ATF2: variants seen among roughly 807,000 people sequenced by gnomAD.
ATF2 encodes activating transcription factor 2.
A neutral mutation model predicts 60.6 loss-of-function variants in ATF2; 24 were observed. The ratio of observed to expected loss-of-function variants is 0.40; its 90% confidence interval spans 0.29 to 0.56. The LOEUF is 0.56. Among genes scored for constraint, ATF2 ranks in the 20% least tolerant of loss-of-function variants. The probability of loss-of-function intolerance (pLI) is 0.54; values close to 1 mark genes in which losing one functional copy is unlikely to be tolerated. For missense variants in ATF2, 433 were observed against 607.7 expected (o/e 0.71, Z 3.02); for synonymous variants, 206 against 215.4 (o/e 0.96, Z 0.38).
chr2:175,147,427 A>G (rs1559114663), intron 2 of ATF2, among the ~76,000 whole-genome samples: 1 of 152,232 alleles, frequency 6.6e-6, no homozygotes, highest in Non-Finnish European at 1.5e-5. Flanking sequence ...GGATTCTAAA[A>G]TATGAATTTG....
intron 11 of ATF2, among the ~76,000 whole-genome samples, chr2:175,095,796 A>G (rs1694894898): frequency 6.6e-6 from 1 of 152,240 alleles, no homozygotes; most frequent in African/African-American, 2.4e-5. Flanking sequence ...TAGTGCAAGA[A>G]AGTAAGGACA....
At chr2:175,128,290 C>A (rs1469876007) in intron 4 of ATF2, among the ~76,000 whole-genome samples, 1 of 152,186 alleles carries the variant, frequency 6.6e-6, no homozygotes, top group Non-Finnish European at 1.5e-5. Context: ...CACCTGAGAT[C>A]AGGAGTTCAA....
intron 10 of ATF2, among the ~76,000 whole-genome samples, chr2:175,101,415 C>A (rs752882440): frequency 6.6e-6 from 1 of 151,662 alleles, no homozygotes; most frequent in Non-Finnish European, 1.5e-5. Flanking sequence ...TGACTAGTAC[C>A]CAGTCTATAG....
chr2:175,141,026 AAAAAATATAT>A (rs1698487870), intron 2 of ATF2, among the ~76,000 whole-genome samples: 1 of 91,026 alleles, frequency 1.1e-5, no homozygotes, highest in African/African-American at 5.2e-5. Context: ...AAAAAAAAAA[AAAAAATATAT>A]ATATATATAT....
intron 13 of ATF2, chr2:175,080,264 C>CTG (rs1693673621): frequency 6.5e-6 from 1 of 153,562 alleles, no homozygotes; most frequent in Non-Finnish European, 1.4e-5. Flanking sequence ...TTGTTAAAGG[C>CTG]AGTCAGCTGA....
chr2:175,158,796 TA>T (rs1018494290), intron 1 of ATF2, among the ~76,000 whole-genome samples: 69 of 144,384 alleles, frequency 4.8e-4, no homozygotes, highest in Admixed American at 4.1e-4. Flanking sequence ...TCCTCTACAG[TA>T]AAAAAAAAAA....
At chr2:175,097,343 C>T (rs1694998710) in intron 11 of ATF2, 101 bp downstream of exon 11, 3 of 1,473,516 alleles carry the variant, frequency 2.0e-6, no homozygotes, top group Non-Finnish European at 2.7e-6. Flanking sequence ...TTTGGAATAA[C>T]AACATGACCA....
chr2:175,104,465 G>C (rs904725591), intron 10 of ATF2, among the ~76,000 whole-genome samples: 2 of 152,068 alleles, frequency 1.3e-5, no homozygotes, highest in Non-Finnish European at 2.9e-5. Flanking sequence ...GTGGTGGCAG[G>C]GTGGGGGGGG....
intron 2 of ATF2, 63 bp downstream of exon 2, chr2:175,150,997 T>C (rs1208261770): frequency 6.6e-6 from 1 of 152,596 alleles, no homozygotes; most frequent in African/African-American, 2.4e-5. Flanking sequence ...AATTCGGTAG[T>C]ATTTGAAAGA....
chr2:175,102,571 C>T (rs185770529), intron 10 of ATF2, among the ~76,000 whole-genome samples: 2 of 152,058 alleles, frequency 1.3e-5, no homozygotes, highest in Non-Finnish European at 2.9e-5. Flanking sequence ...GAGTTCCACA[C>T]CAGCCTGGGC....
intron 10 of ATF2, among the ~76,000 whole-genome samples, chr2:175,100,999 C>T (rs1153680): frequency 0.095 from 14,525 of 152,202 alleles, 768 homozygotes; most frequent in Middle Eastern, 0.17. Context: ...AATTTATGTT[C>T]AAGTGCTATT....
intron 1 of ATF2, among the ~76,000 whole-genome samples, chr2:175,162,844 TA>T (rs759475000): frequency 6.6e-6 from 1 of 152,050 alleles, no homozygotes; most frequent in Non-Finnish European, 1.5e-5. Flanking sequence ...GTTTAATAAA[TA>T]AAAGCAGGCT....
chr2:175,099,099 T>C (rs1461745779), intron 10 of ATF2, among the ~76,000 whole-genome samples: 1 of 149,082 alleles, frequency 6.7e-6, no homozygotes, highest in Non-Finnish European at 1.5e-5. Flanking sequence ...TCCTATTAAA[T>C]TTCTTTTTTT....
chr2:175,090,522 T>C (rs1039064269), intron 12 of ATF2, among the ~76,000 whole-genome samples: 1 of 152,060 alleles, frequency 6.6e-6, no homozygotes, highest in Non-Finnish European at 1.5e-5. Flanking sequence ...TTTGGAGAAG[T>C]ATTGTAAGTA....
At chr2:175,108,529 G>A (rs1249481016) in intron 10 of ATF2, among the ~76,000 whole-genome samples, 10 of 146,366 alleles carry the variant, frequency 6.8e-5, no homozygotes, top group African/African-American at 1.3e-4. Context: ...GCCCCCGCCC[G>A]GCCAGCCGCC....
chr2:175,079,243 A>G (rs767229016), intron 13 of ATF2, among the ~76,000 whole-genome samples: 7 of 152,192 alleles, frequency 4.6e-5, no homozygotes, highest in Non-Finnish European at 7.4e-5. Context: ...TAAAAATTAC[A>G]GGTAATTCTG....
chr2:175,116,430 A>G (rs984020880), intron 7 of ATF2, among the ~76,000 whole-genome samples: 26 of 152,158 alleles, frequency 1.7e-4, no homozygotes, highest in African/African-American at 6.3e-4. Context: ...AAACTGGGGG[A>G]AGAATCAAGG....
chr2:175,136,320 C>A, intron 3 of ATF2, 92 bp downstream of exon 3: 4 of 1,226,620 alleles, frequency 3.3e-6, no homozygotes, highest in Middle Eastern at 2.1e-4. Flanking sequence ...AAAAAAACAC[C>A]ACAAATACTT....
chr2:175,140,813 T>C (rs1698453636), intron 2 of ATF2, among the ~76,000 whole-genome samples: 2 of 140,886 alleles, frequency 1.4e-5, no homozygotes. Flanking sequence ...TAAGGTTCTG[T>C]CTCTATACAA....
Sources: allele counts gnomAD v4.1 joint callset (sites outside exome capture counted in the v4.1 genomes callset), GRCh38; gene constraint gnomAD v4.1.1; transcripts MANE v1.5; gene names NCBI Gene and HGNC (gene_info 2026-07-23, HGNC 2026-07-21).